SPOCK1: variants seen among roughly 807,000 people sequenced by gnomAD.
The protein encoded by SPOCK1 is SPARC (osteonectin), cwcv and kazal like domains proteoglycan 1, also known as testican-1.
In SPOCK1, 23 loss-of-function variants were observed where a neutral mutation model predicts 55.3. The ratio of observed to expected loss-of-function variants is 0.42; its 90% CI spans 0.30 to 0.59. The LOEUF (loss-of-function observed/expected upper bound fraction) is 0.59, where lower values mean the gene tolerates loss of function less well. SPOCK1 is among the 20% of genes least tolerant of loss of function. SPOCK1 has a pLI of 0.22. For missense variants in SPOCK1, 499 were observed against 552.5 expected (o/e 0.90, Z 0.97); for synonymous variants, 226 against 221.0 (o/e 1.02, Z -0.20).
At chr5:137,379,542 C>A (rs1277282203) in intron 2 of SPOCK1, among the ~76,000 whole-genome samples, 1 of 149,298 alleles carries the variant, frequency 6.7e-6, no homozygotes, top group Non-Finnish European at 1.5e-5. Context: ...CCCACCCCAC[C>A]ACCACCACTC....
chr5:137,069,663 G>A (rs377355167), intron 5 of SPOCK1, among the ~76,000 whole-genome samples: 10 of 152,132 alleles, frequency 6.6e-5, no homozygotes, highest in South Asian at 4.1e-4. Context: ...TCAGCACAGC[G>A]TGTGTGCACG....
intron 3 of SPOCK1, among the ~76,000 whole-genome samples, chr5:137,184,798 C>T (rs1360579730): frequency 1.3e-5 from 2 of 152,086 alleles, no homozygotes; most frequent in Non-Finnish European, 2.9e-5. Context: ...CCTCAATGCC[C>T]CCTCTCCCTC....
chr5:137,087,654 T>C (rs1752982485), intron 5 of SPOCK1, among the ~76,000 whole-genome samples: 1 of 152,348 alleles, frequency 6.6e-6, no homozygotes, highest in South Asian at 2.1e-4. Flanking sequence ...CAGTGAATAC[T>C]GCCATGTGTG....
intron 3 of SPOCK1, among the ~76,000 whole-genome samples, chr5:137,243,307 T>C (rs1417002159): frequency 4.6e-5 from 7 of 152,192 alleles, no homozygotes; most frequent in Admixed American, 3.3e-4. Context: ...AAAATTACAA[T>C]GAAACTCACC....
intron 3 of SPOCK1, among the ~76,000 whole-genome samples, chr5:137,198,030 T>A (rs1755336943): frequency 6.6e-6 from 1 of 152,202 alleles, no homozygotes; most frequent in Non-Finnish European, 1.5e-5. Flanking sequence ...AATAGAGTGT[T>A]TTTTTCGTTA....
Position 137,260,717 on chromosome 5 carries a change from G to A in SPOCK1, c.232+6293C>T, listed in dbSNP as rs188547291. 3.5e-3 allele frequency among the ~76,000 whole-genome samples: 533 copies of A among 152,308 alleles called. 2 individuals are homozygous for A. Among genetic ancestry groups the A allele is most frequent in the Non-Finnish European group, 3.5e-3 (237 of 68,024 alleles). ...AAGGCAGAGAGACTGAGTTAAAGTA[G>A]GAGCATACTAATATTTGAATTAATA... On this transcript the variant is annotated intron_variant, in intron 3 of 10. Coordinates refer to ENST00000394945, the MANE Select transcript of SPOCK1 (RefSeq NM_004598.4).
At chr5:136,994,079 G>T (rs1750997631) in intron 6 of SPOCK1, among the ~76,000 whole-genome samples, 1 of 152,160 alleles carries the variant, frequency 6.6e-6, no homozygotes, top group African/African-American at 2.4e-5. Flanking sequence ...TATTAGAGGA[G>T]AGGTGACCAG....
intron 2 of SPOCK1, among the ~76,000 whole-genome samples, chr5:137,300,427 G>T (rs555195942): frequency 6.6e-6 from 1 of 152,124 alleles, no homozygotes; most frequent in African/African-American, 2.4e-5. Context: ...CATGCCTAGC[G>T]ATTTGTATTG....
chr5:136,989,048 AT>A (rs1750898398), intron 7 of SPOCK1, among the ~76,000 whole-genome samples: 1 of 152,220 alleles, frequency 6.6e-6, no homozygotes, highest in African/African-American at 2.4e-5. Context: ...AAAATAAAAT[AT>A]TTTTAAAAGG....
In SPOCK1 at chr5:137,364,028, C is replaced by T. The variant is rs538354255; in HGVS notation, c.187-96973G>A. Among the ~76,000 whole-genome samples the T allele has an allele frequency of 1.1e-3, 175 of 152,318 alleles. 1 individual carries two copies. The highest frequency in any genetic ancestry group is 4.1e-3 in the African/African-American group (169 of 41,570). On this transcript the variant is annotated intron_variant, in intron 2 of 10. Transcript: ENST00000394945. ...CAGCCTGAGATCCCAGGGCCCTGCA[C>T]CTGCCCCAGCCCAGCCCAGCCCTGC...
intron 2 of SPOCK1, among the ~76,000 whole-genome samples, chr5:137,282,210 T>C (rs1325362416): frequency 2.6e-5 from 4 of 152,254 alleles, no homozygotes; most frequent in African/African-American, 7.2e-5. Context: ...TTTAAAAATA[T>C]ACCGCTACTT....
chr5:137,115,188 G>C (rs990611116), intron 4 of SPOCK1, among the ~76,000 whole-genome samples: 4 of 152,050 alleles, frequency 2.6e-5, no homozygotes, highest in Non-Finnish European at 5.9e-5. Flanking sequence ...GGGGTCGGTG[G>C]GGGGAGTCCC....
At chr5:137,034,373 A>G (rs1263841620) in intron 6 of SPOCK1, among the ~76,000 whole-genome samples, 1 of 152,170 alleles carries the variant, frequency 6.6e-6, no homozygotes, top group African/African-American at 2.4e-5. Context: ...GACCTCATGC[A>G]GCTCCTCATA....
rs1451040185 is a variant in SPOCK1 at position 136,976,922 on chromosome 5, G to C, written c.*1732C>G. 1 of 152,212 alleles carries C rather than the reference G, an allele frequency of 6.6e-6. No homozygotes were observed. Among genetic ancestry groups the C allele is most frequent in the African/African-American group, 2.4e-5 (1 of 41,444 alleles). 9.4% of individuals were successfully genotyped at this position (152,212 alleles called of 1,614,324 possible). A position where few individuals can be genotyped will look rare whatever the true frequency, so the allele number is the denominator to read the frequency against. ...GTTGGTACATCTAAATGGTCAATTT[G>C]GGATGGGGGATTGGTCAGCTGCCAC... On this transcript the variant is annotated 3_prime_UTR_variant, in exon 11 of 11. Transcript: ENST00000394945.
intron 2 of SPOCK1, among the ~76,000 whole-genome samples, chr5:137,354,893 C>CT (rs1666957589): frequency 6.6e-6 from 1 of 151,736 alleles, no homozygotes; most frequent in Non-Finnish European, 1.5e-5. Flanking sequence ...GTGACTCACT[C>CT]TAAGTTTTGT....
chr5:137,346,922 A>C (rs1446738080), intron 2 of SPOCK1, among the ~76,000 whole-genome samples: 4 of 152,178 alleles, frequency 2.6e-5, no homozygotes, highest in Non-Finnish European at 5.9e-5. Flanking sequence ...AGAGTCAGAA[A>C]AAGTTACTCA....
intron 2 of SPOCK1, among the ~76,000 whole-genome samples, chr5:137,401,558 C>CAAAAAAAA (rs34044799): frequency 2.0e-5 from 2 of 100,450 alleles, no homozygotes; most frequent in Admixed American, 1.2e-4. Context: ...CTCATCTCTA[C>CAAAAAAAA]AAAAAAAAAA....
intron 5 of SPOCK1, among the ~76,000 whole-genome samples, chr5:137,077,098 G>T (rs375926430): frequency 2.0e-5 from 3 of 152,084 alleles, no homozygotes; most frequent in Non-Finnish European, 2.9e-5. Flanking sequence ...TAATTTTTTT[G>T]TATTTTTAGT....
At chr5:137,463,596 A>T (rs962211081) in intron 2 of SPOCK1, among the ~76,000 whole-genome samples, 2 of 152,140 alleles carry the variant, frequency 1.3e-5, no homozygotes, top group Non-Finnish European at 2.9e-5. Context: ...AATAAGACCT[A>T]GTATTTGATA....
Sources: gnomAD v4.1 joint callset for allele counts (sites outside exome capture counted in the v4.1 genomes callset) on GRCh38, gnomAD v4.1.1 for gene constraint, MANE v1.5 for transcripts, NCBI Gene and HGNC (gene_info 2026-07-23, HGNC 2026-07-21) for gene names.